GPR137: variants seen among roughly 807,000 people sequenced by gnomAD.
GPR137 encodes the protein G protein-coupled receptor 137.
GPR137 carries 20 observed loss-of-function variants against 38.9 expected under a neutral mutation model. The observed-to-expected ratio is 0.51, with a 90% CI of 0.36 to 0.75. The LOEUF (loss-of-function observed/expected upper bound fraction) is 0.75, where lower values mean the gene tolerates loss of function less well. Among genes scored for constraint, GPR137 ranks in the 30% least tolerant of loss-of-function variants. The pLI is 0.00. For missense variants in GPR137, 456 were observed against 526.4 expected (o/e 0.87, Z 1.31); for synonymous variants, 226 against 235.8 (o/e 0.96, Z 0.38).
At chr11:64,282,444 A>G (rs1164578021), upstream of GPR137, among the ~76,000 whole-genome samples, 1 of 152,180 alleles carries the variant, frequency 6.6e-6, no homozygotes, top group African/African-American at 2.4e-5. Flanking sequence ...TCTACAAAAA[A>G]TAAAAAATGA....
chr11:64,271,861 G>A, upstream of GPR137: 1 of 1,295,074 alleles, frequency 7.7e-7, no homozygotes, highest in Non-Finnish European at 9.9e-7. Context: ...TAAGCCCCTG[G>A]CCCTGCCTGA....
chr11:64,284,394 T>C (rs746057329), upstream of GPR137: 2 of 1,611,890 alleles, frequency 1.2e-6, no homozygotes, highest in Admixed American at 1.7e-5. Context: ...GACAAGATGT[T>C]ACGTAGTCAA....
intron 2 of GPR137, among the ~76,000 whole-genome samples, chr11:64,279,253 CCCCCGGGA>C (rs2135126600): frequency 1.3e-5 from 2 of 152,098 alleles, no homozygotes; most frequent in African/African-American, 4.8e-5. Context: ...GTGGATCATG[CCCCCGGGA>C]CCCCAACTCC....
rs1003899014 is a variant in GPR137 at position 64,289,438 on chromosome 11, C to T, written c.*242C>T. The T allele has an allele frequency of 2.8e-5, 43 of 1,516,886 alleles. No individual in the cohort carries two copies. The highest frequency in any genetic ancestry group is 4.4e-5 in the Admixed American group (2 of 45,852). 94.0% of individuals were successfully genotyped at this position (1,516,886 alleles called of 1,614,324 possible). The stretch of plus-strand genomic sequence containing the variant: ...TGACCTGCCACCTCTGCTTCCACAC[C>T]GGAGCCAGCTACCTCTCCTGTGCCT... On this transcript the variant is annotated 3_prime_UTR_variant, in exon 7 of 7. Coordinates refer to ENST00000438980, the MANE Select transcript of GPR137 (RefSeq NM_001170880.2).
In GPR137 at chr11:64,286,837, C is replaced by T. The variant is rs1387379822; in HGVS notation, c.313C>T (p.Leu105=). 2 of 1,596,404 alleles carry T rather than the reference C, an allele frequency of 1.3e-6. No individual in the cohort carries two copies. The highest frequency in any genetic ancestry group is 2.2e-5 in the South Asian group (2 of 89,242). ...FWLLYCCPVC[L]QFFTLTLMNL... is the part of the protein sequence containing the mutation. Reference sequence around the variant, plus strand: ...GCTTCTCTACTGCTGCCCCGTCTGCCTGCAGTTCTTCACCTTGACGCTTAT... The same window carrying T: ...GCTTCTCTACTGCTGCCCCGTCTGCTTGCAGTTCTTCACCTTGACGCTTAT... Residue 105 remains leucine (L), a synonymous_variant, in exon 1 of 7, where the codon CTG becomes TTG. Coordinates refer to ENST00000438980, the MANE Select transcript of GPR137 (RefSeq NM_001170880.2).
Position 64,288,376 on chromosome 11 carries a change from C to G in GPR137, c.820C>G (p.Leu274Val). The change falls in exon 5 of 7, where the codon CTG becomes GTG. Residue 274 changes from leucine (L) to valine (V), a missense_variant. By Grantham distance (32) the Leu-to-Val change is conservative. Coordinates refer to ENST00000438980, the MANE Select transcript of GPR137 (RefSeq NM_001170880.2). This position sits in a 1 kb window ranked among gnomAD's most constrained non-coding sequence, Gnocchi z 5.5. ...GAATGACCTGGGGAACAAAGGCTAC[C>G]TGGTATTTGGCCTCATCCTCTTCGT... is the stretch of plus-strand genomic sequence containing the variant. ...LVNDLGNKGY[L>V]VFGLILFVWE... is the part of the protein sequence containing the mutation. 1 of 1,613,966 alleles carries G rather than the reference C, an allele frequency of 6.2e-7. No individual in the cohort carries two copies. The highest frequency in any genetic ancestry group is 1.1e-5 in the South Asian group (1 of 91,090).
chr11:64,271,381 T>A (rs865887806), upstream of GPR137, among the ~76,000 whole-genome samples: 17 of 60,242 alleles, frequency 2.8e-4, no homozygotes, highest in South Asian at 6.3e-4. Context: ...GCCCTGTGAC[T>A]CACACACACA....
At chr11:64,285,581 C>T, upstream of GPR137, 2 of 983,828 alleles carry the variant, frequency 2.0e-6, no homozygotes, top group Non-Finnish European at 2.4e-6. Flanking sequence ...GAGAGAGGAG[C>T]GTGGGAACTG....
chr11:64,288,915 T>C lies in GPR137; in HGVS notation c.1032-122T>C. 1 of 1,442,686 alleles carries C rather than the reference T, an allele frequency of 6.9e-7. No individual in the cohort carries two copies. Among genetic ancestry groups the C allele is most frequent in the Non-Finnish European group, 9.1e-7 (1 of 1,103,360 alleles). The allele number at this position is 1,442,686 out of a possible 1,614,324, so 89.4% of individuals were successfully genotyped here. On this transcript the variant is annotated intron_variant, in intron 6 of 6. Transcript: ENST00000438980. This position sits in a 1 kb window ranked among gnomAD's most constrained non-coding sequence, Gnocchi z 5.5. The stretch of plus-strand genomic sequence containing the variant: ...TCCACCTCTTGCCTAGAGATGTACT[T>C]TGTCCTGGGCCCCGAAGGTCTAGGT...
upstream of GPR137, among the ~76,000 whole-genome samples, chr11:64,281,717 C>T (rs576387680): frequency 9.9e-5 from 15 of 152,260 alleles, no homozygotes; most frequent in South Asian, 1.0e-3. Context: ...CCTGTGACTC[C>T]GGATTCTCTT....
chr11:64,277,194 C>A (rs2033132778), intron 2 of GPR137, among the ~76,000 whole-genome samples: 1 of 152,234 alleles, frequency 6.6e-6, no homozygotes, highest in Non-Finnish European at 1.5e-5. Flanking sequence ...CCTGCCCCTA[C>A]CACATGCCGA....
upstream of GPR137, among the ~76,000 whole-genome samples, chr11:64,274,925 C>A (rs576196498): frequency 3.3e-4 from 44 of 133,546 alleles, no homozygotes; most frequent in African/African-American, 1.3e-3. Context: ...GCGGAGGTTG[C>A]AGTGAGCTGA....
chr11:64,274,248 C>T (rs569484662), upstream of GPR137, among the ~76,000 whole-genome samples: 1 of 151,856 alleles, frequency 6.6e-6, no homozygotes, highest in East Asian at 2.0e-4. Context: ...ATTAGCTGGG[C>T]ATGGTGGCTG....
upstream of GPR137, among the ~76,000 whole-genome samples, chr11:64,275,351 C>T (rs985315343): frequency 2.6e-5 from 4 of 152,146 alleles, no homozygotes; most frequent in Non-Finnish European, 4.4e-5. Context: ...TTCTGTGGTG[C>T]GGTGACTGTG....
chr11:64,276,871 T>G (rs1591155396), intron 2 of GPR137: 1 of 747,212 alleles, frequency 1.3e-6, no homozygotes, highest in Non-Finnish European at 2.5e-6. Context: ...GTAGTGGCTG[T>G]GGCTAGAAGT....
chr11:64,276,294 A>ATGTGTG (rs56161646), intron 1 of GPR137: 1 of 30,904 alleles, frequency 3.2e-5, no homozygotes, highest in African/African-American at 1.5e-4. Context: ...GTGTGTGTAT[A>ATGTGTG]TATTTGTGTG....
chr11:64,288,420 C>T lies in GPR137; in HGVS notation c.864C>T (p.Thr288=), dbSNP rs1182756423. ...TCTTCGTGTGGGAGCTACTGCCCAC[C>T]ACCCTGCTGGTGGGCTTCTTCCGGG... ...LILFVWELLP[T]TLLVGFFRVH... is the part of the protein sequence containing the mutation. Residue 288 remains threonine (T), a synonymous_variant, in exon 5 of 7, where the codon ACC becomes ACT. Transcript: ENST00000438980. This position sits in a 1 kb window ranked among gnomAD's most constrained non-coding sequence, Gnocchi z 5.5. 6.2e-7 allele frequency: 1 copy of T among 1,613,760 alleles called. No individual in the cohort carries two copies. Among genetic ancestry groups the T allele is most frequent in the Non-Finnish European group, 8.5e-7 (1 of 1,180,004 alleles).
upstream of GPR137, chr11:64,284,736 C>T (rs1327174512): frequency 1.4e-5 from 22 of 1,535,630 alleles, no homozygotes; most frequent in South Asian, 1.2e-5. Flanking sequence ...AGCGACCTGG[C>T]CCAATCACCT....
chr11:64,282,008 C>G (rs1302259160), upstream of GPR137, among the ~76,000 whole-genome samples: 1 of 152,174 alleles, frequency 6.6e-6, no homozygotes, highest in Non-Finnish European at 1.5e-5. Flanking sequence ...CGTGAGCCAC[C>G]GCGCCCGGCC....
Sources: gnomAD v4.1 joint callset for allele counts (sites outside exome capture counted in the v4.1 genomes callset) on GRCh38, gnomAD v4.1.1 for gene constraint, Gnocchi (gnomAD v3.1) non-coding constraint, MANE v1.5 for transcripts, NCBI Gene and HGNC (gene_info 2026-07-23, HGNC 2026-07-21) for gene names.